The following FAM167A variants were observed in gnomAD, a reference collection of about 807,000 sequenced individuals.
FAM167A encodes protein FAM167A.
A neutral mutation model predicts 14.9 loss-of-function variants in FAM167A; 23 were observed. The observed-to-expected ratio is 1.55, with a 90% confidence interval of 1.11 to 2.19. The LOEUF (loss-of-function observed/expected upper bound fraction) is 2.19. FAM167A is among the 30% of genes most tolerant of loss of function. The pLI is 0.00. For missense variants in FAM167A, 401 were observed against 281.5 expected (o/e 1.42, Z -3.04); for synonymous variants, 174 against 117.7 (o/e 1.48, Z -3.10).
intron 2 of FAM167A, 122 bp downstream of exon 2, chr8:11,443,909 G>T: frequency 8.0e-7 from 1 of 1,245,704 alleles, no homozygotes; most frequent in Non-Finnish European, 1.1e-6. Context: ...GCACTTGGGG[G>T]TTAGAGAGAG....
chr8:11,435,953 C>G (rs1173130578), intron 2 of FAM167A, among the ~76,000 whole-genome samples: 1 of 152,348 alleles, frequency 6.6e-6, no homozygotes, highest in Non-Finnish European at 1.5e-5. Flanking sequence ...CATTCAGTTA[C>G]GTTTTTACTT....
intron 2 of FAM167A, among the ~76,000 whole-genome samples, chr8:11,425,674 C>A (rs1009595853): frequency 7.2e-5 from 11 of 151,938 alleles, no homozygotes; most frequent in African/African-American, 1.7e-4. Flanking sequence ...TTATACCCCC[C>A]CTTGCTGTTG....
At chr8:11,473,250 C>T (rs1188277964) in intron 1 of FAM167A, among the ~76,000 whole-genome samples, 1 of 152,194 alleles carries the variant, frequency 6.6e-6, no homozygotes, top group African/African-American at 2.4e-5. Context: ...CCTTGAGAAA[C>T]CAAGGTGCAG....
At chr8:11,449,988 ACCT>A (rs1292547647) in intron 1 of FAM167A, among the ~76,000 whole-genome samples, 3 of 152,054 alleles carry the variant, frequency 2.0e-5, no homozygotes, top group Non-Finnish European at 2.9e-5. Context: ...TCCCCTCCAC[ACCT>A]CCTCTCACCA....
chr8:11,438,618 A>T (rs1241462165), intron 2 of FAM167A: 2 of 419,634 alleles, frequency 4.8e-6, no homozygotes, highest in East Asian at 1.4e-4. Context: ...CAAAAGAATA[A>T]TATTACCACT....
intron 2 of FAM167A, 26 bp from the exon 3 acceptor site, chr8:11,424,662 G>T: frequency 6.2e-7 from 1 of 1,610,934 alleles, no homozygotes; most frequent in Non-Finnish European, 8.5e-7. Flanking sequence ...AGCAGGCAGG[G>T]TCAGCAGAGA....
chr8:11,438,778 C>G, intron 2 of FAM167A: 1 of 343,074 alleles, frequency 2.9e-6, no homozygotes, highest in Non-Finnish European at 5.7e-6. Context: ...AGGCTGAAAG[C>G]ACCGGGCTAT....
chr8:11,465,745 C>T (rs34926793), intron 1 of FAM167A, among the ~76,000 whole-genome samples: 4,450 of 152,238 alleles, frequency 0.029, 214 homozygotes, highest in African/African-American at 0.1. Context: ...AGCATGTGCC[C>T]CTTGGTGAAA....
chr8:11,451,912 C>A (rs1191343321), intron 1 of FAM167A, among the ~76,000 whole-genome samples: 1 of 152,202 alleles, frequency 6.6e-6, no homozygotes, highest in African/African-American at 2.4e-5. Flanking sequence ...TCTGTGGGCA[C>A]CTGACAGCCT....
At chr8:11,457,950 G>A (rs1214412830) in intron 1 of FAM167A, among the ~76,000 whole-genome samples, 2 of 152,210 alleles carry the variant, frequency 1.3e-5, no homozygotes, top group African/African-American at 4.8e-5. Flanking sequence ...GGACACTGCT[G>A]CACCTTTTGT....
chr8:11,446,016 C>CA (rs36111790), intron 1 of FAM167A, among the ~76,000 whole-genome samples: 17,792 of 83,396 alleles, frequency 0.21, 1,532 homozygotes, highest in Middle Eastern at 0.26. Context: ...ACATCCCGGC[C>CA]AAAAAAAAAA....
At chr8:11,465,514 A>C (rs779092845) in intron 1 of FAM167A, among the ~76,000 whole-genome samples, 2 of 152,220 alleles carry the variant, frequency 1.3e-5, no homozygotes, top group African/African-American at 4.8e-5. Context: ...GCACTCAAGA[A>C]AGAAGAGCTG....
chr8:11,466,372 A>G (rs936159662), intron 1 of FAM167A, among the ~76,000 whole-genome samples: 5 of 152,080 alleles, frequency 3.3e-5, no homozygotes, highest in African/African-American at 1.2e-4. Context: ...GCCAGCAGGG[A>G]GCTAGGAGAT....
At position 11,444,700 on chromosome 8, in the gene FAM167A, G is replaced by C. The variant is rs1056367315; in HGVS notation, c.-289C>G. The C allele has an allele frequency of 6.6e-6, 8 of 1,203,428 alleles. 1 individual carries two copies. The South Asian group carries it at 9.0e-5, about 14-fold the overall frequency. 74.5% of individuals were successfully genotyped at this position (1,203,428 alleles called of 1,614,324 possible). On this transcript the variant is annotated 5_prime_UTR_variant, in exon 2 of 3. Transcript: ENST00000284486. ...GAACAGACAGCGTCGCAGGAATCTC[G>C]GGGCAGCCTGTGCCAAGGTCTATCT...
At chr8:11,466,021 C>A (rs916512888) in intron 1 of FAM167A, among the ~76,000 whole-genome samples, 1 of 152,108 alleles carries the variant, frequency 6.6e-6, no homozygotes, top group African/African-American at 2.4e-5. Flanking sequence ...GACACCCTCC[C>A]CCCCGCCGTC....
intron 2 of FAM167A, among the ~76,000 whole-genome samples, chr8:11,436,875 A>C (rs1402656470): frequency 6.6e-6 from 1 of 152,112 alleles, no homozygotes; most frequent in Non-Finnish European, 1.5e-5. Flanking sequence ...TGCTAACCTC[A>C]AGGGAGGGAG....
chr8:11,451,219 A>C (rs1006984217), intron 1 of FAM167A, among the ~76,000 whole-genome samples: 8 of 152,214 alleles, frequency 5.3e-5, no homozygotes, highest in Non-Finnish European at 8.8e-5. Context: ...CATGCTCAGC[A>C]CATGTGGGGA....
At chr8:11,446,864 G>C (rs1242266651) in intron 1 of FAM167A, among the ~76,000 whole-genome samples, 1 of 152,236 alleles carries the variant, frequency 6.6e-6, no homozygotes, top group Non-Finnish European at 1.5e-5. Flanking sequence ...TCTGTTTTGA[G>C]CATGTCTGGG....
chr8:11,459,283 A>G (rs1345249211), intron 1 of FAM167A, among the ~76,000 whole-genome samples: 1 of 152,190 alleles, frequency 6.6e-6, no homozygotes, highest in Non-Finnish European at 1.5e-5. Flanking sequence ...CAAGCAGGTC[A>G]GGGAAGGAAC....
Sources: gnomAD v4.1 joint callset for allele counts (sites outside exome capture counted in the v4.1 genomes callset) on GRCh38, gnomAD v4.1.1 for gene constraint, MANE v1.5 for transcripts, NCBI Gene and HGNC (gene_info 2026-07-23, HGNC 2026-07-21) for gene names.